HPGDS: variants seen among roughly 807,000 people sequenced by gnomAD.
The protein encoded by HPGDS is hematopoietic prostaglandin D synthase, also known as GST class-sigma.
HPGDS carries 26 observed loss-of-function variants against 23.1 expected under a neutral mutation model. That is an observed-to-expected ratio of 1.13 (90% CI 0.83 to 1.56). HPGDS has a LOEUF of 1.56. Ranked by LOEUF, HPGDS falls within the 40% of genes most tolerant of loss-of-function variation. HPGDS has a pLI of 0.00. For missense variants in HPGDS, 268 were observed against 236.4 expected (o/e 1.13, Z -0.88); for synonymous variants, 95 against 77.9 (o/e 1.22, Z -1.16).
chr4:94,299,690 G>A (rs778690392), intron 5 of HPGDS, 46 bp from the exon 6 acceptor site: 1 of 1,516,134 alleles, frequency 6.6e-7, no homozygotes, highest in South Asian at 1.2e-5. Flanking sequence ...AGAAAGTGTA[G>A]CTGTATCAGC....
At chr4:94,341,935 C>T (rs190684033) in intron 1 of HPGDS, among the ~76,000 whole-genome samples, 1 of 152,182 alleles carries the variant, frequency 6.6e-6, no homozygotes, top group East Asian at 1.9e-4. Flanking sequence ...TTTTTATTAC[C>T]CCTAACATTT....
intron 3 of HPGDS, 134 bp downstream of exon 3, chr4:94,317,739 T>C (rs1222149782): frequency 7.3e-6 from 4 of 544,664 alleles, no homozygotes; most frequent in Non-Finnish European, 1.3e-5. Flanking sequence ...GTGGTATATT[T>C]ATACTTTTCT....
chr4:94,321,370 C>A (rs541766902), intron 2 of HPGDS, among the ~76,000 whole-genome samples: 1 of 152,108 alleles, frequency 6.6e-6, no homozygotes, highest in African/African-American at 2.4e-5. Context: ...GCCATTTTCA[C>A]GATATTGATT....
intron 3 of HPGDS, among the ~76,000 whole-genome samples, chr4:94,309,578 T>C (rs371425308): frequency 3.9e-5 from 6 of 152,160 alleles, no homozygotes; most frequent in African/African-American, 7.2e-5. Flanking sequence ...TGAATAGTGC[T>C]GCAATAAACA....
At chr4:94,327,298 T>C (rs1381217240) in intron 2 of HPGDS, among the ~76,000 whole-genome samples, 1 of 152,120 alleles carries the variant, frequency 6.6e-6, no homozygotes, top group Non-Finnish European at 1.5e-5. Flanking sequence ...CTCAGGCCAC[T>C]GGACAATGCA....
chr4:94,301,480 C>T (rs1386730119), intron 5 of HPGDS, among the ~76,000 whole-genome samples: 1 of 152,032 alleles, frequency 6.6e-6, no homozygotes, highest in Non-Finnish European at 1.5e-5. Context: ...TCCAACTGAT[C>T]GAGATATAAA....
chr4:94,336,829 C>G (rs1205946284), intron 1 of HPGDS, among the ~76,000 whole-genome samples: 2 of 152,108 alleles, frequency 1.3e-5, no homozygotes, highest in Admixed American at 6.5e-5. Flanking sequence ...TTATTCTTAT[C>G]CAGGAAAAGC....
chr4:94,305,614 G>A (rs532412942), intron 4 of HPGDS, among the ~76,000 whole-genome samples: 11 of 152,054 alleles, frequency 7.2e-5, no homozygotes, highest in South Asian at 4.1e-4. Context: ...ATATTCATGC[G>A]CAGCTGTTTT....
intron 3 of HPGDS, among the ~76,000 whole-genome samples, chr4:94,316,013 C>A (rs1462555863): frequency 1.3e-5 from 2 of 152,146 alleles, no homozygotes; most frequent in African/African-American, 4.8e-5. Flanking sequence ...GTCATCACAC[C>A]TTTTCTCAAA....
intron 2 of HPGDS, among the ~76,000 whole-genome samples, chr4:94,328,134 C>T (rs892778500): frequency 6.6e-6 from 1 of 152,250 alleles, no homozygotes; most frequent in African/African-American, 2.4e-5. Flanking sequence ...ATCTCTCTTA[C>T]CTTTTCCCCA....
At chr4:94,318,101 C>A in intron 2 of HPGDS, 136 bp from the exon 3 acceptor site, 1 of 638,052 alleles carries the variant, frequency 1.6e-6, no homozygotes, top group Non-Finnish European at 2.8e-6. Context: ...TAAAGGAACA[C>A]TTGACAACTT....
At chr4:94,313,407 G>C (rs1045846745) in intron 3 of HPGDS, among the ~76,000 whole-genome samples, 2 of 152,174 alleles carry the variant, frequency 1.3e-5, no homozygotes, top group Non-Finnish European at 2.9e-5. Flanking sequence ...AGCTTAGTTT[G>C]GCTGGATATG....
intron 4 of HPGDS, among the ~76,000 whole-genome samples, chr4:94,305,838 T>C (rs942662266): frequency 1.3e-5 from 2 of 152,096 alleles, no homozygotes; most frequent in African/African-American, 2.4e-5. Context: ...ATTTAAGCAA[T>C]TGTATACCTA....
At chr4:94,321,384 C>T (rs1579440202) in intron 2 of HPGDS, among the ~76,000 whole-genome samples, 1 of 152,148 alleles carries the variant, frequency 6.6e-6, no homozygotes, top group African/African-American at 2.4e-5. Context: ...ATTGATTCTT[C>T]CTACCCATGA....
intron 2 of HPGDS, among the ~76,000 whole-genome samples, chr4:94,322,495 G>A (rs139597163): frequency 6.6e-6 from 1 of 152,152 alleles, no homozygotes; most frequent in African/African-American, 2.4e-5. Context: ...TTTGGGGAAG[G>A]TGTATGTGTC....
chr4:94,302,777 G>C (rs1756068479), intron 4 of HPGDS, among the ~76,000 whole-genome samples: 1 of 151,922 alleles, frequency 6.6e-6, no homozygotes, highest in Non-Finnish European at 1.5e-5. Context: ...TATCAGATTT[G>C]TCCATCTTGA....
At chr4:94,331,891 G>C (rs1334237452) in intron 2 of HPGDS, among the ~76,000 whole-genome samples, 1 of 152,128 alleles carries the variant, frequency 6.6e-6, no homozygotes, top group East Asian at 1.9e-4. Flanking sequence ...CAGGTCCCCA[G>C]TGAAACCCCA....
At chr4:94,317,189 A>G (rs1756413928) in intron 3 of HPGDS, among the ~76,000 whole-genome samples, 2 of 152,148 alleles carry the variant, frequency 1.3e-5, no homozygotes, top group African/African-American at 4.8e-5. Context: ...CTACAGATTG[A>G]TTGAAAGAAA....
At chr4:94,309,400 A>G (rs974994537) in intron 3 of HPGDS, among the ~76,000 whole-genome samples, 1 of 151,668 alleles carries the variant, frequency 6.6e-6, no homozygotes, top group African/African-American at 2.4e-5. Context: ...GGTCCTTGAG[A>G]TAGTTTGCTG....
Sources: allele counts gnomAD v4.1 joint callset (sites outside exome capture counted in the v4.1 genomes callset), GRCh38; gene constraint gnomAD v4.1.1; transcripts MANE v1.5; gene names NCBI Gene and HGNC (gene_info 2026-07-23, HGNC 2026-07-21).